The following ETV6 variants were observed in gnomAD, a reference collection of about 807,000 sequenced individuals.
The protein encoded by ETV6 is transcription factor ETV6.
A neutral mutation model predicts 51.1 loss-of-function variants in ETV6; 16 were observed. That is an observed-to-expected ratio of 0.31 (90% confidence interval 0.21 to 0.48). The LOEUF (loss-of-function observed/expected upper bound fraction) is 0.48. ETV6 is among the 20% of genes least tolerant of loss of function. ETV6 has a pLI of 0.99. For synonymous variants in ETV6, 240 were observed against 224.1 expected, an observed-to-expected ratio of 1.07 and a Z score of -0.64; for missense variants, 458 against 594.8, an observed-to-expected ratio of 0.77 and a Z score of 2.39.
At chr12:11,740,556 C>A (rs545600404) in intron 1 of ETV6, among the ~76,000 whole-genome samples, 1 of 137,072 alleles carries the variant, frequency 7.3e-6, no homozygotes, top group Non-Finnish European at 1.6e-5. Flanking sequence ...ATATTCATGC[C>A]ACTGTTCTCC....
rs1318307879 is a variant in ETV6, at chr12:11,893,792, TTTTA to T, written c.*2748_*2751del. On this transcript the variant is annotated 3_prime_UTR_variant, in exon 8 of 8. Transcript: ENST00000396373. ...TTGTGTCCATCCCCAAGATCTCTCA[TTTTA>T]TATATATATATATATATATATATAT... 7.6e-4 allele frequency: 32 copies of T among 42,194 alleles called. 2 individuals are homozygous for T. Among genetic ancestry groups the T allele is most frequent in the South Asian group, 1.1e-3 (1 of 946 alleles). The allele number at this position is 42,194 out of a possible 1,614,324, so 2.6% of individuals were successfully genotyped here.
rs906761573 is a variant in ETV6 at position 11,859,388 on chromosome 12, G to A, written c.463+5827G>A. Reference sequence around the variant, plus strand: ...GATCTCCTGACCTCGTGATCCGCCCGCCTCGGCCTCCCAAAGTGCTGGGAT... The same window carrying A: ...GATCTCCTGACCTCGTGATCCGCCCACCTCGGCCTCCCAAAGTGCTGGGAT... On this transcript the variant is annotated intron_variant, in intron 4 of 7. Transcript: ENST00000396373. 2.2e-4 allele frequency among the ~76,000 whole-genome samples: 34 copies of A among 151,460 alleles called. No individual in the cohort carries two copies. The South Asian group carries it at 2.7e-3, about 12-fold the overall frequency.
chr12:11,781,323 TC>T (rs2136369262), intron 2 of ETV6, among the ~76,000 whole-genome samples: 1 of 152,308 alleles, frequency 6.6e-6, no homozygotes, highest in East Asian at 1.9e-4. Context: ...GGGAAGTACT[TC>T]CCTGCCCCCT....
In ETV6 at chr12:11,869,831, A is replaced by G. The variant is rs970651209; in HGVS notation, c.871A>G (p.Arg291Gly). The G allele has an allele frequency of 1.9e-6, 3 of 1,613,420 alleles. No homozygotes were observed. The highest frequency in any genetic ancestry group is 3.3e-5 in the Admixed American group (2 of 60,034). ...PRHSVDFKQS[R>G]LSEDGLHREG... Reference sequence around the variant, plus strand: ...GCACTCCGTGGATTTCAAACAGTCCAGGCTCTCCGAGGACGGGCTGCATAG... The same window carrying G: ...GCACTCCGTGGATTTCAAACAGTCCGGGCTCTCCGAGGACGGGCTGCATAG... The change falls in exon 5 of 8, where the codon AGG (arginine) becomes GGG (glycine). Residue 291 changes from arginine (R) to glycine (G), a missense_variant. Physicochemically the swap from Arg to Gly is moderately radical, Grantham distance 125. Coordinates refer to ENST00000396373, the MANE Select transcript of ETV6 (RefSeq NM_001987.5). The surrounding 1 kb of genome is among the most constrained non-coding windows in gnomAD (Gnocchi z 5.0).
chr12:11,719,139 G>T (rs897859277), intron 1 of ETV6, among the ~76,000 whole-genome samples: 1 of 152,214 alleles, frequency 6.6e-6, no homozygotes, highest in African/African-American at 2.4e-5. Flanking sequence ...TAGTGAGGCC[G>T]CTGGGGAGAG....
chr12:11,715,418 T>TA (rs756297953), intron 1 of ETV6, among the ~76,000 whole-genome samples: 3 of 152,212 alleles, frequency 2.0e-5, no homozygotes, highest in Non-Finnish European at 4.4e-5. Context: ...GTGGTTTAAA[T>TA]ACTCATTATC....
intron 1 of ETV6, among the ~76,000 whole-genome samples, chr12:11,691,512 TACAC>T (rs1259752987): frequency 6.6e-6 from 1 of 152,228 alleles, no homozygotes. Flanking sequence ...ACATAAGACA[TACAC>T]ACATAAAAAG....
intron 2 of ETV6, among the ~76,000 whole-genome samples, chr12:11,837,936 T>C (rs1416985917): frequency 6.6e-6 from 1 of 152,232 alleles, no homozygotes; most frequent in Non-Finnish European, 1.5e-5. Context: ...ATTACATAAA[T>C]TAAACCTGGG....
At chr12:11,760,172 C>A (rs139282550) in intron 2 of ETV6, among the ~76,000 whole-genome samples, 1 of 152,248 alleles carries the variant, frequency 6.6e-6, no homozygotes, top group East Asian at 1.9e-4. Flanking sequence ...ACTGTAAATT[C>A]CCAAGTATAA....
intron 2 of ETV6, chr12:11,825,832 C>CTTTT: frequency 6.9e-6 from 1 of 145,604 alleles, no homozygotes. Flanking sequence ...AGAAAGCATG[C>CTTTT]CTTTTTTTTT....
intron 1 of ETV6, among the ~76,000 whole-genome samples, chr12:11,742,805 CTT>C (rs751007395): frequency 2.0e-4 from 16 of 78,672 alleles, no homozygotes; most frequent in Non-Finnish European, 3.0e-4. Context: ...TTCTTTCTTT[CTT>C]TTTTTTTTTT....
intron 4 of ETV6, among the ~76,000 whole-genome samples, chr12:11,866,373 T>G (rs1173275403): frequency 1.3e-5 from 2 of 152,230 alleles, no homozygotes; most frequent in African/African-American, 4.8e-5. Context: ...TTGATGGCCT[T>G]TCCTCCTTAT....
rs776231778 is a variant in ETV6, at chr12:11,883,276, C to CTTCTTCTTTTTTTTT, written c.1010-1167_1010-1166insCTTCTTTTTTTTTTT. Among the ~76,000 whole-genome samples the CTTCTTCTTTTTTTTT allele has an allele frequency of 1.4e-3, 110 of 79,042 alleles. 3 individuals are homozygous for CTTCTTCTTTTTTTTT. The highest frequency in any genetic ancestry group is 2.3e-3 in the East Asian group (6 of 2,590). 51.9% of individuals were successfully genotyped at this position (79,042 alleles called of 152,430 possible). ...GGGAAGGTGTACATCATGTCTTCTT[C>CTTCTTCTTTTTTTTT]TTTTTTTTTTTTTTTTTTTTTTTTT... is the stretch of plus-strand genomic sequence containing the variant. On this transcript the variant is annotated intron_variant, in intron 5 of 7. Transcript: ENST00000396373.
At chr12:11,729,597 T>C (rs1456680175) in intron 1 of ETV6, among the ~76,000 whole-genome samples, 1 of 152,192 alleles carries the variant, frequency 6.6e-6, no homozygotes, top group Non-Finnish European at 1.5e-5. Flanking sequence ...ATTTGATGAT[T>C]CCTTCCTTAA....
In ETV6 at chr12:11,891,120, C is replaced by T. The variant is rs566478688; in HGVS notation, c.*74C>T. On this transcript the variant is annotated 3_prime_UTR_variant, in exon 8 of 8. Coordinates refer to ENST00000396373, the MANE Select transcript of ETV6 (RefSeq NM_001987.5). ...CCCACCAGGATTGCTGGAAGTGTGA[C>T]GGAGCAGGCGGGCTGAGGAGAGTGG... 4.5e-5 allele frequency: 54 copies of T among 1,192,862 alleles called. 2 individuals are homozygous for T. In the South Asian group the frequency reaches 6.0e-4, roughly 13 times the overall value. The allele number at this position is 1,192,862 out of a possible 1,614,324, so 73.9% of individuals were successfully genotyped here.
intron 5 of ETV6, among the ~76,000 whole-genome samples, chr12:11,873,096 T>C (rs1332791215): frequency 6.6e-6 from 1 of 152,186 alleles, no homozygotes; most frequent in Non-Finnish European, 1.5e-5. Context: ...TAATGGCATA[T>C]TCAAAAGTTT....
At chr12:11,752,867 T>G in intron 2 of ETV6, 2 of 275,834 alleles carry the variant, frequency 7.3e-6, no homozygotes, top group Non-Finnish European at 1.4e-5. Flanking sequence ...AATCTCCTAG[T>G]AGACAAGATG....
chr12:11,733,253 A>G (rs1865635346), intron 1 of ETV6, among the ~76,000 whole-genome samples: 1 of 151,984 alleles, frequency 6.6e-6, no homozygotes. Context: ...CTAAAAATAC[A>G]AAAATTTAGC....
intron 7 of ETV6, among the ~76,000 whole-genome samples, chr12:11,888,398 C>T (rs112515952): frequency 2.2e-3 from 181 of 80,656 alleles, no homozygotes; most frequent in African/African-American, 6.4e-3. Flanking sequence ...CTTTTCTTTT[C>T]TTTTTTTTTT....
Sources: gnomAD v4.1 joint callset for allele counts (sites outside exome capture counted in the v4.1 genomes callset) on GRCh38, gnomAD v4.1.1 for gene constraint, Gnocchi (gnomAD v3.1) non-coding constraint, MANE v1.5 for transcripts, NCBI Gene and HGNC (gene_info 2026-07-23, HGNC 2026-07-21) for gene names.